The following KIF15 variants were observed in gnomAD, a reference collection of about 807,000 sequenced individuals.
KIF15 encodes kinesin family member 15, also known as kinesin-like protein KIF15.
A neutral mutation model predicts 190.6 loss-of-function variants in KIF15; 140 were observed. That is an observed-to-expected ratio of 0.73 (90% CI 0.64 to 0.84). The LOEUF is 0.84. Ranked by LOEUF, KIF15 falls within the 40% of genes least tolerant of loss-of-function variation. The pLI, the probability that KIF15 is intolerant of heterozygous loss-of-function variation, is 0.00. For missense variants in KIF15, 1,372 were observed against 1,584.4 expected (o/e 0.87, Z 2.28); for synonymous variants, 528 against 551.3 (o/e 0.96, Z 0.59).
intron 1 of KIF15, among the ~76,000 whole-genome samples, chr3:44,765,642 T>A (rs1450380762): frequency 6.6e-6 from 1 of 152,234 alleles, no homozygotes; most frequent in Non-Finnish European, 1.5e-5. Flanking sequence ...CTTGCTCCAT[T>A]GAAGGAGTAG....
chr3:44,799,250 A>G, intron 10 of KIF15: 1 of 456,718 alleles, frequency 2.2e-6, no homozygotes, highest in Non-Finnish European at 4.4e-6. Context: ...CTTAACACAC[A>G]AAAGAACAAA....
intron 1 of KIF15, among the ~76,000 whole-genome samples, chr3:44,764,988 A>G (rs997644001): frequency 6.6e-6 from 1 of 152,206 alleles, no homozygotes; most frequent in Non-Finnish European, 1.5e-5. Flanking sequence ...ATAAACTTTT[A>G]TACTCTCTTT....
intron 6 of KIF15, among the ~76,000 whole-genome samples, chr3:44,858,525 A>T (rs1306102839): frequency 6.6e-6 from 1 of 152,004 alleles, no homozygotes; most frequent in Non-Finnish European, 1.5e-5. Context: ...TTGTGGGTTA[A>T]GGTGGGGGGG....
rs1253983549 is a variant in KIF15, at chr3:44,794,401, C to A, written c.824C>A (p.Thr275Asn). The change falls in exon 8 of 35, where the codon ACC becomes AAC. Residue 275 changes from threonine to asparagine, a missense_variant. By Grantham distance (65) the Thr-to-Asn change is moderately conservative (BLOSUM62 0). Transcript: ENST00000326047. ...GCAGGATCTGAAAGGCAAAAAGATA[C>A]CCATGCAGAAGGGATGAGATTGAAG... is the stretch of plus-strand genomic sequence containing the variant. ...DLAGSERQKD[T>N]HAEGMRLKEA... The A allele has an allele frequency of 6.2e-7, 1 of 1,608,448 alleles. No homozygotes were observed.
downstream of KIF15, among the ~76,000 whole-genome samples, chr3:44,855,708 C>T (rs548848866): frequency 5.3e-5 from 8 of 151,826 alleles, no homozygotes; most frequent in South Asian, 8.3e-4. Context: ...GAGGATTTGT[C>T]GTATAGAATT....
chr3:44,820,490 C>T (rs1708220317), intron 20 of KIF15, among the ~76,000 whole-genome samples: 1 of 152,078 alleles, frequency 6.6e-6, no homozygotes, highest in Non-Finnish European at 1.5e-5. Flanking sequence ...AGGCGGAGGA[C>T]CCTGCGGCCT....
intron 6 of KIF15, chr3:44,862,477 C>G (rs1488685413): frequency 6.5e-6 from 1 of 152,764 alleles, no homozygotes; most frequent in Non-Finnish European, 1.5e-5. Flanking sequence ...CCCTCTACCT[C>G]TCATTTTAAG....
intron 8 of KIF15, among the ~76,000 whole-genome samples, chr3:44,795,949 CCT>C (rs908759434): frequency 6.6e-6 from 1 of 152,030 alleles, no homozygotes; most frequent in Admixed American, 6.6e-5. Flanking sequence ...GCAACCTCTG[CCT>C]CTCTGGTTCA....
intron 6 of KIF15, among the ~76,000 whole-genome samples, chr3:44,858,368 C>T (rs368689708): frequency 6.6e-6 from 1 of 152,150 alleles, no homozygotes; most frequent in East Asian, 1.9e-4. Flanking sequence ...CATGCTGTAG[C>T]AGGCGAGTGA....
At chr3:44,850,811 T>C (rs936622282) in intron 32 of KIF15, among the ~76,000 whole-genome samples, 2 of 152,202 alleles carry the variant, frequency 1.3e-5, no homozygotes, top group African/African-American at 4.8e-5. Context: ...TTATATCATC[T>C]TAGCAATCAA....
intron 20 of KIF15, among the ~76,000 whole-genome samples, chr3:44,818,244 T>G (rs1229143893): frequency 1.3e-5 from 2 of 152,218 alleles, no homozygotes; most frequent in Non-Finnish European, 2.9e-5. Context: ...TTCTTTCTCT[T>G]GCCTGATTGC....
chr3:44,867,070 C>T (rs1699330307), intron 6 of KIF15, among the ~76,000 whole-genome samples: 1 of 152,180 alleles, frequency 6.6e-6, no homozygotes, highest in African/African-American at 2.4e-5. Context: ...GAGGGAGTTA[C>T]TCTTGTTCCT....
intron 19 of KIF15, among the ~76,000 whole-genome samples, chr3:44,814,509 C>T (rs1707940349): frequency 6.6e-6 from 1 of 152,140 alleles, no homozygotes; most frequent in Admixed American, 6.6e-5. Context: ...CAGGGTTTTG[C>T]CATGTTGCTC....
chr3:44,839,559 A>G (rs1698490752), intron 27 of KIF15, among the ~76,000 whole-genome samples: 1 of 152,188 alleles, frequency 6.6e-6, no homozygotes, highest in South Asian at 2.1e-4. Context: ...AGAAACCGCA[A>G]TTACTTTTGC....
chr3:44,782,436 C>G (rs1426781542), intron 5 of KIF15, among the ~76,000 whole-genome samples: 1 of 152,142 alleles, frequency 6.6e-6, no homozygotes, highest in Non-Finnish European at 1.5e-5. Flanking sequence ...GTTATAACAA[C>G]AACAACAACA....
chr3:44,830,881 CTTTCT>C lies in KIF15; in HGVS notation c.3049-9_3049-5del, dbSNP rs1247468743. 1 of 1,605,728 alleles carries C rather than the reference CTTTCT, an allele frequency of 6.2e-7. No homozygotes were observed. Among genetic ancestry groups the C allele is most frequent in the Admixed American group, 1.7e-5 (1 of 58,212 alleles). ...AAATAAAATGGCTCTTATAGCATGA[CTTTCT>C]TTTCTACAGTGCAAATACAACTCTG... On this transcript the variant is annotated splice_polypyrimidine_tract_variant and intron_variant, in intron 25 of 34. Coordinates refer to ENST00000326047, the MANE Select transcript of KIF15 (RefSeq NM_020242.3).
chr3:44,825,631 G>A (rs1360299936), intron 20 of KIF15, among the ~76,000 whole-genome samples: 4 of 152,230 alleles, frequency 2.6e-5, no homozygotes, highest in Non-Finnish European at 5.9e-5. Context: ...GAGGATGTAT[G>A]AATAGTTGGA....
At chr3:44,818,416 C>T (rs934907802) in intron 20 of KIF15, among the ~76,000 whole-genome samples, 30 of 152,262 alleles carry the variant, frequency 2.0e-4, no homozygotes, top group African/African-American at 7.0e-4. Context: ...AGATACGTTC[C>T]ATCAATATCT....
chr3:44,813,030 C>A, intron 18 of KIF15, 45 bp from the exon 19 acceptor site: 1 of 1,143,900 alleles, frequency 8.7e-7, no homozygotes, highest in Non-Finnish European at 1.3e-6. Context: ...TGCATCTTAG[C>A]ATGCCAGTAT....
Sources: gnomAD v4.1 joint callset for allele counts (sites outside exome capture counted in the v4.1 genomes callset) on GRCh38, gnomAD v4.1.1 for gene constraint, MANE v1.5 for transcripts, NCBI Gene and HGNC (gene_info 2026-07-23, HGNC 2026-07-21) for gene names.